Variants in THAP6 observed in about 807,000 individuals in gnomAD.
The protein encoded by THAP6 is THAP domain-containing protein 6.
Under a neutral mutation model 20.0 loss-of-function variants are expected in THAP6, and 13 were observed. The observed-to-expected ratio is 0.65, with a 90% CI of 0.42 to 1.03. The LOEUF is 1.03. Among genes scored for constraint, THAP6 ranks in the 50% least tolerant of loss-of-function variants. THAP6 has a pLI of 0.00. For synonymous variants in THAP6, 93 were observed against 92.2 expected, an observed-to-expected ratio of 1.01 and a Z score of -0.05; for missense variants, 262 against 261.6, an observed-to-expected ratio of 1.00 and a Z score of -0.01.
chr4:75,529,941 TAA>T lies in THAP6; in HGVS notation c.*2731_*2732del, dbSNP rs1311194464. On this transcript the variant is annotated 3_prime_UTR_variant, in exon 5 of 5. Transcript: ENST00000311638. ...GTATTTAATATATATTTAGTTTTAA[TAA>T]AAAGATAAAATTATTACAGAAATAA... is the stretch of plus-strand genomic sequence containing the variant. The T allele has an allele frequency of 1.1e-6, 1 of 875,102 alleles. No individual in the cohort carries two copies. The highest frequency in any genetic ancestry group is 1.4e-6 in the Non-Finnish European group (1 of 729,536). 54.2% of individuals were successfully genotyped at this position (875,102 alleles called of 1,614,324 possible). A position where few individuals can be genotyped will look rare whatever the true frequency, so the allele number is the denominator to read the frequency against.
rs10643016 is a variant in THAP6, at chr4:75,528,756, T to TAAA, written c.*1552_*1554dup. On this transcript the variant is annotated 3_prime_UTR_variant, in exon 5 of 5. Coordinates refer to ENST00000311638, the MANE Select transcript of THAP6 (RefSeq NM_144721.6). The stretch of plus-strand genomic sequence containing the variant: ...GAAAAAAAAGTAGTAAAAAGGTAGT[T>TAAA]AAAAAAAAAAAAGGCCGGGTGGTGG... The TAAA allele has an allele frequency of 1.7e-3, 1,498 of 901,856 alleles. No individual in the cohort carries two copies. Among genetic ancestry groups the TAAA allele is most frequent in the African/African-American group, 4.1e-3 (220 of 54,206 alleles). 55.9% of individuals were successfully genotyped at this position (901,856 alleles called of 1,614,324 possible).
chr4:75,536,480 G>C (rs1048002553), intron 2 of THAP6, among the ~76,000 whole-genome samples: 1 of 151,954 alleles, frequency 6.6e-6, no homozygotes, highest in African/African-American at 2.4e-5. Flanking sequence ...AAAGAGAGAA[G>C]CCCAATCATA....
chr4:75,515,354 T>C (rs1347270058), intron 1 of THAP6, 79 bp from the exon 2 acceptor site: 2 of 1,369,276 alleles, frequency 1.5e-6, no homozygotes, highest in Admixed American at 3.4e-5. Context: ...ATTTTGTGTT[T>C]CCTAAAACAC....
chr4:75,527,411 T>C lies in THAP6; in HGVS notation c.*197T>C. The C allele has an allele frequency of 7.2e-7, 1 of 1,395,820 alleles. No individual in the cohort carries two copies. Among genetic ancestry groups the C allele is most frequent in the East Asian group, 2.6e-5 (1 of 37,942 alleles). The allele number at this position is 1,395,820 out of a possible 1,614,324, so 86.5% of individuals were successfully genotyped here. ...GTGGTAATTATGTATTTGTGTCTTG[T>C]GACAATTATGTTTTATAGACCTACA... On this transcript the variant is annotated 3_prime_UTR_variant, in exon 5 of 5. Transcript: ENST00000311638.
In THAP6 at chr4:75,528,811, G is replaced by A. The variant is rs1163523209; in HGVS notation, c.*1597G>A. On this transcript the variant is annotated 3_prime_UTR_variant, in exon 5 of 5. Transcript: ENST00000311638. ...TACCTGTAATCCTAGCACTTTGGGA[G>A]GCCAAGGCAGGCAGATCACTTGAGG... 5.2e-6 allele frequency: 5 copies of A among 969,896 alleles called. No individual in the cohort carries two copies. In the South Asian group the frequency reaches 1.4e-4, roughly 28 times the overall value. The allele number at this position is 969,896 out of a possible 1,614,324, so 60.1% of individuals were successfully genotyped here.
chr4:75,519,725 TC>T (rs1725893128), intron 3 of THAP6, among the ~76,000 whole-genome samples: 1 of 151,982 alleles, frequency 6.6e-6, no homozygotes, highest in African/African-American at 2.4e-5. Flanking sequence ...ATCCAGTCTA[TC>T]ATTGTTGGAC....
chr4:75,518,146 A>C (rs1484163898), intron 3 of THAP6, among the ~76,000 whole-genome samples: 1 of 152,172 alleles, frequency 6.6e-6, no homozygotes, highest in African/African-American at 2.4e-5. Flanking sequence ...TTTTCCTACC[A>C]CCAAGGTGTC....
chr4:75,539,493 A>G lies in THAP6; in HGVS notation c.166-2916A>G, dbSNP rs189836768. ...AGCAGGGTCTGTGGCAATTAAAGGTACTGAAACTATGAAATTAATGGAGCT... is the reference window on the plus strand; with the variant it reads ...AGCAGGGTCTGTGGCAATTAAAGGTGCTGAAACTATGAAATTAATGGAGCT... On this transcript the variant is annotated intron_variant, in intron 2 of 4. Transcript: ENST00000502620. Among the ~76,000 whole-genome samples, 76 of 152,356 alleles carry G rather than the reference A, an allele frequency of 5.0e-4. 2 individuals are homozygous for G. Among genetic ancestry groups the G allele is most frequent in the Admixed American group, 4.9e-3 (75 of 15,300 alleles).
chr4:75,534,851 C>T (rs1010603000), downstream of THAP6, among the ~76,000 whole-genome samples: 1 of 152,168 alleles, frequency 6.6e-6, no homozygotes, highest in Non-Finnish European at 1.5e-5. Flanking sequence ...AAATCAAAAC[C>T]ACAATGATAT....
At chr4:75,540,020 G>T in intron 2 of THAP6, 5 of 1,509,546 alleles carry the variant, frequency 3.3e-6, no homozygotes, top group Non-Finnish European at 3.5e-6. Flanking sequence ...AGCAGGCAAG[G>T]AACATTGTAT....
In THAP6 at chr4:75,527,055, G is replaced by C. The variant is rs1256855039; in HGVS notation, c.510G>C (p.Arg170=). The C allele has an allele frequency of 1.2e-6, 2 of 1,613,976 alleles. No individual in the cohort carries two copies. Among genetic ancestry groups the C allele is most frequent in the East Asian group, 4.5e-5 (2 of 44,868 alleles). Reference sequence around the variant, plus strand: ...TAGAGGATACAAAGGAAAGTCTACGGAATGTTTTAGACCGAGAAAAACGTT... The same window carrying C: ...TAGAGGATACAAAGGAAAGTCTACGCAATGTTTTAGACCGAGAAAAACGTT... The part of the protein sequence containing the change: ...GELEDTKESL[R]NVLDREKRFQ... Residue 170 remains arginine (R), a synonymous_variant, in exon 5 of 5, where the codon CGG becomes CGC. Coordinates refer to ENST00000311638, the MANE Select transcript of THAP6 (RefSeq NM_144721.6).
At chr4:75,541,940 G>A (rs1261250387) in intron 2 of THAP6, among the ~76,000 whole-genome samples, 3 of 146,052 alleles carry the variant, frequency 2.1e-5, no homozygotes, top group African/African-American at 7.6e-5. Context: ...CTGGGCAACA[G>A]AGCAAGACTG....
At chr4:75,531,729 C>T (rs1378079758), downstream of THAP6, among the ~76,000 whole-genome samples, 2 of 151,546 alleles carry the variant, frequency 1.3e-5, no homozygotes, top group African/African-American at 4.9e-5. Flanking sequence ...GAGCAAGTCA[C>T]ATCTTACATG....
At chr4:75,526,779 G>T (rs541408870) in intron 4 of THAP6, among the ~76,000 whole-genome samples, 181 bp from the exon 5 acceptor site, 1 of 152,158 alleles carries the variant, frequency 6.6e-6, no homozygotes, top group Non-Finnish European at 1.5e-5. Flanking sequence ...AAGGAGGGAT[G>T]CCCTTAGCAC....
At chr4:75,533,297 C>T (rs1376116411), downstream of THAP6, among the ~76,000 whole-genome samples, 3 of 152,172 alleles carry the variant, frequency 2.0e-5, no homozygotes, top group Non-Finnish European at 4.4e-5. Flanking sequence ...ACCTTTGCTC[C>T]AGTTCCCAAC....
chr4:75,523,124 A>G (rs1261183719), intron 4 of THAP6, among the ~76,000 whole-genome samples: 1 of 152,116 alleles, frequency 6.6e-6, no homozygotes, highest in Non-Finnish European at 1.5e-5. Context: ...TGCCTGTTTT[A>G]GGTATAAAAG....
At chr4:75,522,479 CAATA>C (rs1223993223) in intron 4 of THAP6, 9 of 152,140 alleles carry the variant, frequency 5.9e-5, no homozygotes, top group Non-Finnish European at 1.3e-4. Flanking sequence ...TTTAAATATA[CAATA>C]AATTATTGTT....
downstream of THAP6, among the ~76,000 whole-genome samples, chr4:75,530,318 G>A (rs983043905): frequency 6.6e-6 from 1 of 152,140 alleles, no homozygotes; most frequent in Non-Finnish European, 1.5e-5. Flanking sequence ...ACCCAAAGAG[G>A]CCTGTCAGGC....
chr4:75,515,709 TTTTAAGATATCAGAGAC>T (rs1290240284), intron 2 of THAP6, among the ~76,000 whole-genome samples, 177 bp downstream of exon 2: 20 of 152,354 alleles, frequency 1.3e-4, no homozygotes, highest in Admixed American at 5.9e-4. Context: ...AGTTTAAAAG[TTTTAAGATATCAGAGAC>T]TTTAAGATAT....
Sources: gnomAD v4.1 joint callset for allele counts (sites outside exome capture counted in the v4.1 genomes callset) on GRCh38, gnomAD v4.1.1 for gene constraint, MANE v1.5 for transcripts, NCBI Gene and HGNC (gene_info 2026-07-23, HGNC 2026-07-21) for gene names.